CPA6: variants seen among roughly 807,000 people sequenced by gnomAD.
The protein encoded by CPA6 is carboxypeptidase A6, also known as carboxypeptidase B.
Under a neutral mutation model 63.3 loss-of-function variants are expected in CPA6, and 58 were observed. The observed-to-expected ratio is 0.92, with a 90% CI of 0.74 to 1.14. The LOEUF is 1.14. CPA6 is among the 50% of genes most tolerant of loss of function. CPA6 has a pLI of 0.00. For synonymous variants in CPA6, 185 were observed against 179.0 expected, an observed-to-expected ratio of 1.03 and a Z score of -0.27; for missense variants, 565 against 526.6, an observed-to-expected ratio of 1.07 and a Z score of -0.71.
intron 8 of CPA6, among the ~76,000 whole-genome samples, chr8:67,455,663 CAA>C (rs552041509): frequency 9.3e-4 from 28 of 30,244 alleles, no homozygotes; most frequent in Middle Eastern, 0.071. Flanking sequence ...TCTACAAAAG[CAA>C]AAAAAAAAAA....
intron 2 of CPA6, among the ~76,000 whole-genome samples, chr8:67,597,761 A>T (rs965813520): frequency 6.6e-6 from 1 of 152,186 alleles, no homozygotes; most frequent in African/African-American, 2.4e-5. Flanking sequence ...TATCTCCAGT[A>T]GCTTAGTAGG....
Position 67,636,902 on chromosome 8 carries a change from A to T in CPA6, c.117-12651T>A, listed in dbSNP as rs144386552. Among the ~76,000 whole-genome samples, 8 of 151,710 alleles carry T rather than the reference A, an allele frequency of 5.3e-5. 1 individual carries two copies. The East Asian group carries it at 1.5e-3, about 29-fold the overall frequency. On this transcript the variant is annotated intron_variant, in intron 1 of 10. Coordinates refer to ENST00000297770, the MANE Select transcript of CPA6 (RefSeq NM_020361.5). ...GATTATGTTTTGATGCACATGAAAA[A>T]TTTCATTAAAAAGCAATAAATAAGA... is the stretch of plus-strand genomic sequence containing the variant.
chr8:67,575,217 C>T (rs1416035319), intron 2 of CPA6, among the ~76,000 whole-genome samples: 1 of 151,928 alleles, frequency 6.6e-6, no homozygotes, highest in Non-Finnish European at 1.5e-5. Context: ...ATGGCTATTA[C>T]CAAAAAGAGG....
chr8:67,427,850 T>C (rs2128951246), intron 10 of CPA6, among the ~76,000 whole-genome samples, 197 bp downstream of exon 10: 1 of 152,348 alleles, frequency 6.6e-6, no homozygotes, highest in South Asian at 2.1e-4. Context: ...TTTGAATTTA[T>C]TTAAATGGGT....
intron 2 of CPA6, among the ~76,000 whole-genome samples, chr8:67,561,925 T>G (rs996584692): frequency 6.6e-6 from 1 of 152,224 alleles, no homozygotes; most frequent in Admixed American, 6.5e-5. Context: ...ATTCTGCTTC[T>G]ATATAATGAA....
chr8:67,607,154 CTCTTCT>C (rs1331172719), intron 2 of CPA6, among the ~76,000 whole-genome samples: 1 of 95,206 alleles, frequency 1.1e-5, no homozygotes, highest in Non-Finnish European at 2.0e-5. Flanking sequence ...CCCCCCCCTC[CTCTTCT>C]TCTTCTTCCT....
chr8:67,719,434 G>GA (rs552192271), intron 1 of CPA6, among the ~76,000 whole-genome samples: 1 of 151,294 alleles, frequency 6.6e-6, no homozygotes, highest in Non-Finnish European at 1.5e-5. Flanking sequence ...TTATTTCGGG[G>GA]AAAAAAAAAT....
chr8:67,638,447 A>G (rs1257664189), intron 1 of CPA6, among the ~76,000 whole-genome samples: 1 of 151,458 alleles, frequency 6.6e-6, no homozygotes, highest in Non-Finnish European at 1.5e-5. Context: ...AAAACCTCCA[A>G]ACTAAGGATT....
At chr8:67,741,651 C>A (rs112910820) in intron 1 of CPA6, among the ~76,000 whole-genome samples, 1 of 152,204 alleles carries the variant, frequency 6.6e-6, no homozygotes, top group East Asian at 1.9e-4. Flanking sequence ...ACTACCCATG[C>A]GAGGGATCTA....
Position 67,691,982 on chromosome 8 carries a change from T to C in CPA6, c.116+54032A>G, listed in dbSNP as rs1444038509. 2.0e-5 allele frequency among the ~76,000 whole-genome samples: 3 copies of C among 152,226 alleles called. No individual in the cohort carries two copies. The East Asian group carries it at 5.8e-4, about 29-fold the overall frequency. Reference sequence around the variant, plus strand: ...TATGAGCCATGCTGGAGTTGTTTAATTAATATGTTATCTTTTTGTCCTGGC... The same window carrying C: ...TATGAGCCATGCTGGAGTTGTTTAACTAATATGTTATCTTTTTGTCCTGGC... On this transcript the variant is annotated intron_variant, in intron 1 of 10. Transcript: ENST00000297770.
At chr8:67,472,392 TTTATTTTATTTTATCTTATC>T (rs1563965907) in intron 8 of CPA6, among the ~76,000 whole-genome samples, 9,812 of 132,400 alleles carry the variant, frequency 0.074, 477 homozygotes, top group African/African-American at 0.16. Flanking sequence ...TTTATTTTAT[TTTATTTTATTTTATCTTATC>T]TTATTTTATT....
intron 1 of CPA6, among the ~76,000 whole-genome samples, chr8:67,727,556 A>C (rs62511416): frequency 5.9e-5 from 9 of 152,144 alleles, no homozygotes; most frequent in Admixed American, 1.3e-4. Flanking sequence ...GGGCATCTCA[A>C]CTAACCAGGA....
rs185181980 is a variant in CPA6 at position 67,688,692 on chromosome 8, C to T, written c.116+57322G>A. On this transcript the variant is annotated intron_variant, in intron 1 of 10. Transcript: ENST00000297770. Reference sequence around the variant, plus strand: ...ATTTTTCATGACATTGTACACTTCTCTCCTAGTTTCGGTTTGTGTTTTGTT... The same window carrying T: ...ATTTTTCATGACATTGTACACTTCTTTCCTAGTTTCGGTTTGTGTTTTGTT... Among the ~76,000 whole-genome samples, 160 of 152,298 alleles carry T rather than the reference C, an allele frequency of 1.1e-3. 1 individual carries two copies. Among genetic ancestry groups the T allele is most frequent in the Non-Finnish European group, 1.4e-3 (98 of 68,018 alleles).
chr8:67,611,182 A>C (rs978516936), intron 2 of CPA6, among the ~76,000 whole-genome samples: 1 of 151,956 alleles, frequency 6.6e-6, no homozygotes. Flanking sequence ...TCCCAGGTTC[A>C]AGTGATTCTC....
chr8:67,723,624 T>C (rs1211413261), intron 1 of CPA6, among the ~76,000 whole-genome samples: 3 of 152,222 alleles, frequency 2.0e-5, no homozygotes, highest in African/African-American at 7.2e-5. Flanking sequence ...ACTTAATTGT[T>C]TTAATTTGCA....
intron 8 of CPA6, among the ~76,000 whole-genome samples, chr8:67,475,962 TTC>T (rs1296674226): frequency 1.4e-5 from 2 of 145,590 alleles, no homozygotes; most frequent in Admixed American, 1.4e-4. Flanking sequence ...TTCTTTCTCT[TTC>T]TCTCTCTCTC....
chr8:67,721,923 C>A (rs993588650), intron 1 of CPA6, among the ~76,000 whole-genome samples: 1 of 152,212 alleles, frequency 6.6e-6, no homozygotes, highest in African/African-American at 2.4e-5. Context: ...GTAACCTACT[C>A]TTGTGCCAGT....
intron 1 of CPA6, among the ~76,000 whole-genome samples, chr8:67,704,218 C>A (rs1817084832): frequency 6.6e-6 from 1 of 152,178 alleles, no homozygotes; most frequent in Non-Finnish European, 1.5e-5. Flanking sequence ...CTGTATGTTA[C>A]CCTGGTGAGG....
At chr8:67,499,002 A>G (rs114640670) in intron 6 of CPA6, among the ~76,000 whole-genome samples, 3,023 of 152,306 alleles carry the variant, frequency 0.02, 96 homozygotes, top group African/African-American at 0.067. Flanking sequence ...GGAACTATCA[A>G]TTATTTGTTG....
Sources: allele counts gnomAD v4.1 joint callset (sites outside exome capture counted in the v4.1 genomes callset), GRCh38; gene constraint gnomAD v4.1.1; transcripts MANE v1.5; gene names NCBI Gene and HGNC (gene_info 2026-07-23, HGNC 2026-07-21).